The following AFF2 variants were observed in gnomAD, a reference collection of about 807,000 sequenced individuals.
The protein encoded by AFF2 is ALF transcription elongation factor 2, also known as AF4/FMR2 family member 2.
AFF2 carries 14 observed loss-of-function variants against 76.9 expected under a neutral mutation model. The ratio of observed to expected loss-of-function variants is 0.18; its 90% CI spans 0.12 to 0.28. The LOEUF (loss-of-function observed/expected upper bound fraction) is 0.28. Ranked by LOEUF, AFF2 falls within the 10% of genes least tolerant of loss-of-function variation. The pLI is 1.00. For synonymous variants in AFF2, 398 were observed against 366.7 expected, an observed-to-expected ratio of 1.09 and a Z score of -0.98; for missense variants, 868 against 1,001.1, an observed-to-expected ratio of 0.87 and a Z score of 1.79.
chrX:148,768,296 T>C (rs782763152), intron 3 of AFF2, among the ~76,000 whole-genome samples: 25 of 109,717 alleles, frequency 2.3e-4, no homozygotes, highest in Non-Finnish European at 9.5e-5. Context: ...CGCTGTAATA[T>C]AGTGATCTCG....
At chrX:148,796,069 G>A (rs1176904847) in intron 3 of AFF2, among the ~76,000 whole-genome samples, 2 of 106,425 alleles carry the variant, frequency 1.9e-5, no homozygotes, top group Non-Finnish European at 3.9e-5. Context: ...GCATTTTCAT[G>A]AAGAAAGACC....
chrX:148,772,522 T>C (rs1451504638), intron 3 of AFF2, among the ~76,000 whole-genome samples: 3 of 86,888 alleles, frequency 3.5e-5, no homozygotes, highest in African/African-American at 8.5e-5. Flanking sequence ...TTTTTCTTTC[T>C]TTTTTTTCTT....
At chrX:148,827,196 A>G (rs2070398391) in intron 4 of AFF2, among the ~76,000 whole-genome samples, 1 of 111,301 alleles carries the variant, frequency 9.0e-6, no homozygotes, top group Non-Finnish European at 1.9e-5. Context: ...CCTCAGGAAT[A>G]ATGAGAGACC....
intron 9 of AFF2, among the ~76,000 whole-genome samples, chrX:148,938,596 A>G (rs942912029): frequency 8.0e-5 from 9 of 112,141 alleles, no homozygotes; most frequent in African/African-American, 2.9e-4. Context: ...AGATCCTCTT[A>G]ACACAGGATG....
rs995626102 is a variant in AFF2, at chrX:148,705,855, T to C, written c.1041+43087T>C. Among the ~76,000 whole-genome samples, 3 of 111,147 alleles carry C rather than the reference T, an allele frequency of 2.7e-5. No homozygotes were observed. The Admixed American group carries it at 2.9e-4, about 11-fold the overall frequency. ...GGGGATGATTCATAGAGGAGTCAAG[T>C]ATAAGATGAGGATCCTCATCAACTA... On this transcript the variant is annotated intron_variant, in intron 3 of 20. Transcript: ENST00000370460.
chrX:148,797,754 A>G (rs189331286), intron 3 of AFF2, among the ~76,000 whole-genome samples: 4 of 111,923 alleles, frequency 3.6e-5, no homozygotes, highest in East Asian at 2.8e-4. Flanking sequence ...CCTGATTTCA[A>G]TTCATTCTCC....
At chrX:148,569,480 G>A (rs1285048481) in intron 1 of AFF2, among the ~76,000 whole-genome samples, 1 of 111,484 alleles carries the variant, frequency 9.0e-6, no homozygotes, top group Non-Finnish European at 1.9e-5. Context: ...AAAATACAAG[G>A]AGTAAGAAAT....
At chrX:148,923,221 T>A (rs1278800933) in intron 9 of AFF2, among the ~76,000 whole-genome samples, 3 of 111,634 alleles carry the variant, frequency 2.7e-5, no homozygotes, top group African/African-American at 9.8e-5. Flanking sequence ...ATAGAGAGCT[T>A]ATGCCCCCGT....
chrX:148,956,563 G>C lies in AFF2; in HGVS notation c.2518G>C (p.Ala840Pro), dbSNP rs2072043803. The C allele has an allele frequency of 1.7e-6, 2 of 1,211,609 alleles. No homozygotes were observed. The highest frequency in any genetic ancestry group is 2.2e-6 in the Non-Finnish European group (2 of 895,440). The change falls in exon 11 of 21, where the codon GCT (alanine) becomes CCT (proline). Residue 840 changes from alanine (A) to proline (P), a missense_variant. Around this residue, in one of 6 missense-constraint regions of AFF2, gnomAD observed 532 missense variants for 564.2 expected, o/e 0.94. Coordinates refer to ENST00000370460, the MANE Select transcript of AFF2 (RefSeq NM_002025.4). ...TGCCACAAAACCCAAGCGTCAGACA[G>C]CTGTCACAGCTGTGGAGAAACCAGC... ...ETATKPKRQT[A>P]VTAVEKPAPK...
At chrX:148,677,536 G>C (rs1406450352) in intron 3 of AFF2, among the ~76,000 whole-genome samples, 2 of 112,359 alleles carry the variant, frequency 1.8e-5, no homozygotes, top group Non-Finnish European at 3.8e-5. Context: ...AGAAATCATA[G>C]AAGTGATAAG....
intron 4 of AFF2, among the ~76,000 whole-genome samples, chrX:148,832,576 C>T (rs782579041): frequency 3.6e-5 from 4 of 112,183 alleles, no homozygotes; most frequent in Non-Finnish European, 5.6e-5. Flanking sequence ...ATAGCCATAC[C>T]TGTGGGGCTG....
intron 3 of AFF2, among the ~76,000 whole-genome samples, chrX:148,747,607 A>AT (rs782502385): frequency 9.1e-4 from 101 of 111,082 alleles, no homozygotes; most frequent in Non-Finnish European, 1.5e-3. Flanking sequence ...ACATCTCTTT[A>AT]TTTTTTTTCC....
chrX:148,981,782 A>T, intron 19 of AFF2, among the ~76,000 whole-genome samples: 1 of 112,644 alleles, frequency 8.9e-6, no homozygotes, highest in Middle Eastern at 4.6e-3. Context: ...AGAATAAAAC[A>T]GTCTCTACTG....
At chrX:148,981,760 A>G (rs2072397046) in intron 19 of AFF2, among the ~76,000 whole-genome samples, 1 of 112,445 alleles carries the variant, frequency 8.9e-6, no homozygotes, top group African/African-American at 3.2e-5. Flanking sequence ...TCTGATCAAA[A>G]TAATTTCTTC....
At chrX:148,912,724 T>G (rs1048287904) in intron 9 of AFF2, among the ~76,000 whole-genome samples, 29 of 112,387 alleles carry the variant, frequency 2.6e-4, no homozygotes, top group South Asian at 7.6e-4. Context: ...TCTTTTACAG[T>G]GTGACACTGT....
rs782075556 is a variant in AFF2 at position 148,662,424 on chromosome X, A to G, written c.697A>G (p.Ile233Val). 12 of 1,210,376 alleles carry G rather than the reference A, an allele frequency of 9.9e-6. No homozygotes were observed. The highest frequency in any genetic ancestry group is 2.3e-4 in the Middle Eastern group (1 of 4,375). The change falls in exon 3 of 21, where the codon ATC (isoleucine) becomes GTC (valine). Residue 233 changes from isoleucine (I) to valine (V), a missense_variant. Transcript: ENST00000370460. ...NSSGEDAFKE[I>V]FQSNSPEESE... ...TAGTGGAGAAGATGCTTTCAAAGAA[A>G]TCTTTCAATCCAATTCACCGGAAGA...
chrX:148,793,658 G>C (rs1398765135), intron 3 of AFF2, among the ~76,000 whole-genome samples: 4 of 111,799 alleles, frequency 3.6e-5, no homozygotes, highest in Non-Finnish European at 3.8e-5. Context: ...CCTGTCATGA[G>C]AGTCATGTCA....
intron 3 of AFF2, among the ~76,000 whole-genome samples, chrX:148,709,489 A>G (rs1213041356): frequency 1.8e-5 from 2 of 112,496 alleles, no homozygotes; most frequent in Non-Finnish European, 3.8e-5. Flanking sequence ...CTGCAAAATT[A>G]TAATCGTACC....
At chrX:148,682,508 A>G (rs1373122689) in intron 3 of AFF2, among the ~76,000 whole-genome samples, 7 of 111,050 alleles carry the variant, frequency 6.3e-5, no homozygotes, top group Non-Finnish European at 7.6e-5. Context: ...GAACTAGAGA[A>G]CAGCGATGAG....
Sources: allele counts gnomAD v4.1 joint callset (sites outside exome capture counted in the v4.1 genomes callset), GRCh38; gene constraint gnomAD v4.1.1; regional missense constraint gnomAD v4.1.1; transcripts MANE v1.5; gene names NCBI Gene and HGNC (gene_info 2026-07-23, HGNC 2026-07-21).